Variants in HMCN1 observed in about 807,000 individuals in gnomAD.
HMCN1 encodes hemicentin-1.
A neutral mutation model predicts 625.9 loss-of-function variants in HMCN1; 321 were observed. That is an observed-to-expected ratio of 0.51 (90% confidence interval 0.47 to 0.56). The LOEUF is 0.56. Ranked by LOEUF, HMCN1 falls within the 20% of genes least tolerant of loss-of-function variation. The pLI is 0.00. For synonymous variants in HMCN1, 2,425 were observed against 2,417.6 expected (o/e 1.00, Z -0.09); for missense variants, 6,588 against 6,887.3 (o/e 0.96, Z 1.54).
At chr1:186,176,826 T>TG (rs1274925391) in intron 103 of HMCN1, 2 of 151,902 alleles carry the variant, frequency 1.3e-5, no homozygotes, top group Non-Finnish European at 2.9e-5. Context: ...AGACCCAGAT[T>TG]GGGGTGGTAG....
chr1:185,978,259 T>C, intron 16 of HMCN1: 1 of 341,026 alleles, frequency 2.9e-6, no homozygotes, highest in Non-Finnish European at 5.4e-6. Context: ...AATAGAGTCA[T>C]CTGAGCCTTT....
chr1:185,783,704 A>G (rs1172229224), intron 1 of HMCN1, among the ~76,000 whole-genome samples: 1 of 152,156 alleles, frequency 6.6e-6, no homozygotes, highest in Non-Finnish European at 1.5e-5. Flanking sequence ...ATTCCTCTGG[A>G]AGCTTCGTCT....
chr1:185,854,276 C>CT (rs1347635863), intron 2 of HMCN1, among the ~76,000 whole-genome samples: 1 of 152,060 alleles, frequency 6.6e-6, no homozygotes, highest in East Asian at 1.9e-4. Context: ...CCGAAAGCAT[C>CT]TTTTTTTATT....
chr1:185,754,127 G>C (rs965554600), intron 1 of HMCN1, among the ~76,000 whole-genome samples: 3 of 152,152 alleles, frequency 2.0e-5, no homozygotes, highest in Non-Finnish European at 2.9e-5. Flanking sequence ...CAACATAGAT[G>C]AACCCAGAAG....
intron 36 of HMCN1, among the ~76,000 whole-genome samples, chr1:186,027,180 A>T (rs549958189): frequency 6.6e-6 from 1 of 152,284 alleles, no homozygotes; most frequent in East Asian, 1.9e-4. Context: ...CATGATCAAG[A>T]AAAGAGGAAC....
At chr1:185,964,737 A>G (rs1204586738) in intron 13 of HMCN1, among the ~76,000 whole-genome samples, 1 of 152,076 alleles carries the variant, frequency 6.6e-6, no homozygotes, top group Non-Finnish European at 1.5e-5. Context: ...CAGACGGAGG[A>G]ATTAGCAAAG....
intron 71 of HMCN1, among the ~76,000 whole-genome samples, chr1:186,111,631 A>C (rs1660893532): frequency 6.6e-6 from 1 of 152,316 alleles, no homozygotes; most frequent in Admixed American, 6.5e-5. Flanking sequence ...GTGACAGAAT[A>C]AGAATCTGTC....
intron 89 of HMCN1, among the ~76,000 whole-genome samples, chr1:186,138,612 A>T (rs1277981617): frequency 6.6e-6 from 1 of 151,942 alleles, no homozygotes; most frequent in Non-Finnish European, 1.5e-5. Flanking sequence ...TCTCTATTAA[A>T]CTCTTTCCAT....
intron 1 of HMCN1, among the ~76,000 whole-genome samples, chr1:185,755,626 T>C (rs1376754970): frequency 1.3e-5 from 2 of 152,250 alleles, no homozygotes; most frequent in Middle Eastern, 3.4e-3. Context: ...CAAGTATCAC[T>C]CCATCAGCTA....
rs141783848 is a variant in HMCN1 at position 186,077,570 on chromosome 1, A to G, written c.8486-537A>G. 4.1e-3 allele frequency among the ~76,000 whole-genome samples: 621 copies of G among 152,294 alleles called. 4 individuals carry two copies. Among genetic ancestry groups the G allele is most frequent in the African/African-American group, 0.014 (588 of 41,586 alleles). On this transcript the variant is annotated intron_variant, in intron 54 of 106. Coordinates refer to ENST00000271588, the MANE Select transcript of HMCN1 (RefSeq NM_031935.3). ...AGAGAGATAAGGCAAATGGAGTGAA[A>G]TATAAATAATTAGTGAACATGAGTA...
chr1:186,032,832 A>G (rs1261955606), intron 36 of HMCN1, among the ~76,000 whole-genome samples: 1 of 152,144 alleles, frequency 6.6e-6, no homozygotes, highest in Non-Finnish European at 1.5e-5. Context: ...AAATTAGTAC[A>G]ACCACTATGG....
At position 185,977,777 on chromosome 1, in the gene HMCN1, T is replaced by A; in HGVS notation, c.2372-10T>A. 1 of 1,594,760 alleles carries A rather than the reference T, an allele frequency of 6.3e-7. No homozygotes were observed. The highest frequency in any genetic ancestry group is 8.6e-7 in the Non-Finnish European group (1 of 1,162,746). On this transcript the variant is annotated splice_polypyrimidine_tract_variant and intron_variant, in intron 15 of 106. Coordinates refer to ENST00000271588, the MANE Select transcript of HMCN1 (RefSeq NM_031935.3). ...CCGATGACTTATTTGTTGTTTGTAA[T>A]GTCTTCCAGCACCTCCAGTTTTCAT... is the stretch of plus-strand genomic sequence containing the variant.
chr1:185,749,574 A>G (rs1654654868), intron 1 of HMCN1, among the ~76,000 whole-genome samples: 1 of 152,142 alleles, frequency 6.6e-6, no homozygotes, highest in Non-Finnish European at 1.5e-5. Flanking sequence ...TATTTGGGAC[A>G]AGGCCCTTTG....
At chr1:186,115,016 G>A in intron 74 of HMCN1, 70 bp downstream of exon 74, 5 of 1,601,846 alleles carry the variant, frequency 3.1e-6, no homozygotes, top group Non-Finnish European at 3.4e-6. Flanking sequence ...AACTAGTGAG[G>A]TCATAAAGAT....
chr1:186,112,028 G>T (rs1660913249), intron 71 of HMCN1, among the ~76,000 whole-genome samples: 1 of 152,104 alleles, frequency 6.6e-6, no homozygotes, highest in Admixed American at 6.5e-5. Flanking sequence ...TAATAACTAT[G>T]ATCATATATT....
intron 1 of HMCN1, among the ~76,000 whole-genome samples, chr1:185,745,038 T>C (rs920918500): frequency 4.6e-5 from 7 of 151,952 alleles, no homozygotes; most frequent in Admixed American, 2.6e-4. Context: ...GACATGGTCC[T>C]AAGAATCTAA....
chr1:185,891,690 T>C (rs1292818455), intron 4 of HMCN1, among the ~76,000 whole-genome samples: 1 of 148,310 alleles, frequency 6.7e-6, no homozygotes, highest in Admixed American at 6.6e-5. Flanking sequence ...GCTGTTAGTC[T>C]GATGGGCTTC....
At chr1:185,969,629 G>A (rs1387959884) in intron 14 of HMCN1, among the ~76,000 whole-genome samples, 1 of 152,090 alleles carries the variant, frequency 6.6e-6, no homozygotes, top group African/African-American at 2.4e-5. Context: ...GAAACTCTAA[G>A]AACAATGGCC....
chr1:185,785,984 C>G (rs956767387), intron 1 of HMCN1, among the ~76,000 whole-genome samples: 2 of 152,172 alleles, frequency 1.3e-5, no homozygotes, highest in African/African-American at 4.8e-5. Context: ...GGTACCTAAT[C>G]TTGTCTCTGC....
Sources: gnomAD v4.1 joint callset for allele counts (sites outside exome capture counted in the v4.1 genomes callset) on GRCh38, gnomAD v4.1.1 for gene constraint, MANE v1.5 for transcripts, NCBI Gene and HGNC (gene_info 2026-07-23, HGNC 2026-07-21) for gene names.